The following CACNA1A variants were observed in gnomAD, a reference collection of about 807,000 sequenced individuals.
CACNA1A encodes the protein calcium voltage-gated channel subunit alpha1 A.
In CACNA1A, 57 loss-of-function variants were observed where a neutral mutation model predicts 262.4. The observed-to-expected ratio is 0.22, with a 90% CI of 0.18 to 0.27. The LOEUF (loss-of-function observed/expected upper bound fraction) is 0.27. Among genes scored for constraint, CACNA1A ranks in the 10% least tolerant of loss-of-function variants. The pLI is 1.00. For missense variants in CACNA1A, 2,526 were observed against 3,562.8 expected (o/e 0.71, Z 7.41); for synonymous variants, 1,431 against 1,419.3 (o/e 1.01, Z -0.18).
At chr19:13,254,981 GGTGATCCAGAGT>G in intron 29 of CACNA1A, 102 bp downstream of exon 29, 1 of 1,084,276 alleles carries the variant, frequency 9.2e-7, no homozygotes, top group Non-Finnish European at 1.4e-6. Flanking sequence ...AAATCTCAGA[GGTGATCCAGAGT>G]GTGGTCTGTC....
intron 3 of CACNA1A, among the ~76,000 whole-genome samples, chr19:13,396,172 A>G (rs1404529498): frequency 1.3e-5 from 2 of 151,660 alleles, no homozygotes; most frequent in Non-Finnish European, 3.0e-5. Context: ...GGCCACTACA[A>G]AACCAAGGTT....
intron 3 of CACNA1A, among the ~76,000 whole-genome samples, chr19:13,380,860 G>A (rs113622115): frequency 1.8e-4 from 28 of 151,550 alleles, no homozygotes; most frequent in Non-Finnish European, 7.4e-5. Flanking sequence ...TGCAACCTCC[G>A]CCTCCTGGGC....
At chr19:13,210,817 AAAGTT>A in intron 43 of CACNA1A, 165 bp from the exon 44 acceptor site, 1 of 761,256 alleles carries the variant, frequency 1.3e-6, no homozygotes, top group South Asian at 1.6e-5. Flanking sequence ...GAGGAAAAGA[AAAGTT>A]AAAGTCCTGG....
chr19:13,431,730 G>A (rs2060507583), intron 3 of CACNA1A, among the ~76,000 whole-genome samples: 1 of 152,098 alleles, frequency 6.6e-6, no homozygotes, highest in Non-Finnish European at 1.5e-5. Flanking sequence ...TTGCGACAAC[G>A]TGCATGAACC....
chr19:13,434,583 C>G (rs2060577603), intron 3 of CACNA1A, among the ~76,000 whole-genome samples: 1 of 151,908 alleles, frequency 6.6e-6, no homozygotes, highest in Non-Finnish European at 1.5e-5. Flanking sequence ...AGGTGTGTAG[C>G]ATCTCCCCAC....
chr19:13,382,804 A>G (rs972146009), intron 3 of CACNA1A, among the ~76,000 whole-genome samples: 1 of 152,208 alleles, frequency 6.6e-6, no homozygotes, highest in Admixed American at 6.5e-5. Context: ...TATAGCTGCC[A>G]TTGATTGCTG....
chr19:13,465,677 T>A (rs192134976), intron 1 of CACNA1A, among the ~76,000 whole-genome samples: 1 of 152,032 alleles, frequency 6.6e-6, no homozygotes, highest in Admixed American at 6.5e-5. Context: ...TTTGTAGAGA[T>A]GGAGTTTTGC....
At chr19:13,464,371 T>C (rs1480728865) in intron 1 of CACNA1A, among the ~76,000 whole-genome samples, 1 of 152,116 alleles carries the variant, frequency 6.6e-6, no homozygotes, top group Non-Finnish European at 1.5e-5. Context: ...GGCACTCCAG[T>C]CTGGGCAACA....
chr19:13,471,941 T>C (rs1231505189), intron 1 of CACNA1A, among the ~76,000 whole-genome samples: 2 of 152,154 alleles, frequency 1.3e-5, no homozygotes, highest in Non-Finnish European at 2.9e-5. Flanking sequence ...GGTTAACTTA[T>C]GTTGCATGAA....
chr19:13,348,878 C>T (rs1039345278), intron 6 of CACNA1A, among the ~76,000 whole-genome samples: 5 of 151,784 alleles, frequency 3.3e-5, no homozygotes, highest in African/African-American at 4.8e-5. Flanking sequence ...TGTGGTGGCA[C>T]GCACCTGTAA....
Position 13,229,969 on chromosome 19 carries a change from C to G in CACNA1A, c.5528+113G>C, listed in dbSNP as rs534525465. On this transcript the variant is annotated intron_variant, in intron 36 of 46. Coordinates refer to ENST00000360228, the MANE Select transcript of CACNA1A (RefSeq NM_001127222.2). ...TCTCCTGACTGAACCTGTGAGACCC[C>G]TGCTAGGACCCCAGGAGTTCAGTGC... is the stretch of plus-strand genomic sequence containing the variant. 3.2e-6 allele frequency: 4 copies of G among 1,239,120 alleles called. No homozygotes were observed. The East Asian group carries it at 9.7e-5, about 30-fold the overall frequency. The allele number at this position is 1,239,120 out of a possible 1,614,324, so 76.8% of individuals were successfully genotyped here. A position where few individuals can be genotyped will look rare whatever the true frequency, so the allele number is the denominator to read the frequency against.
chr19:13,365,161 A>C (rs1458689539), intron 5 of CACNA1A, 156 bp downstream of exon 5: 1 of 580,258 alleles, frequency 1.7e-6, no homozygotes, highest in African/African-American at 1.8e-5. Context: ...CTAAGATCTC[A>C]GAGGCTATTT....
intron 38 of CACNA1A, among the ~76,000 whole-genome samples, chr19:13,220,981 C>T (rs982663221): frequency 2.6e-5 from 4 of 151,510 alleles, no homozygotes; most frequent in Admixed American, 6.6e-5. Context: ...ATCTGTCCTC[C>T]ACCCCTCCAG....
At chr19:13,306,252 G>A (rs938686323) in intron 15 of CACNA1A, among the ~76,000 whole-genome samples, 9 of 152,204 alleles carry the variant, frequency 5.9e-5, no homozygotes, top group African/African-American at 1.7e-4. Flanking sequence ...TGAAGGTCCC[G>A]GCTGGGCCAG....
At chr19:13,459,444 A>G (rs538421996) in intron 1 of CACNA1A, among the ~76,000 whole-genome samples, 1 of 152,318 alleles carries the variant, frequency 6.6e-6, no homozygotes, top group African/African-American at 2.4e-5. Flanking sequence ...TCTGAAAAGC[A>G]AAATCCGAGA....
At position 13,235,018 on chromosome 19, in the gene CACNA1A, T is replaced by A. The variant is rs2055826253; in HGVS notation, c.5152A>T (p.Ile1718Phe). ...TCACTGTCCTCGTCCTCCACGTCGA[T>A]GCCAATGTTACCAAACACCTGTGGA... ...IGMQVFGNIG[I>F]DVEDEDSDED... Residue 1718 changes from isoleucine to phenylalanine, a missense_variant, in exon 34 of 47, where the codon ATC becomes TTC. Ile to Phe is a conservative substitution (Grantham distance 21). Around this residue, in one of 17 missense-constraint regions of CACNA1A, gnomAD observed 66 missense variants for 195.8 expected, o/e 0.34. Coordinates refer to ENST00000360228, the MANE Select transcript of CACNA1A (RefSeq NM_001127222.2). The A allele has an allele frequency of 6.2e-7, 1 of 1,613,238 alleles. No individual in the cohort carries two copies. The highest frequency in any genetic ancestry group is 1.3e-5 in the African/African-American group (1 of 74,920).
intron 22 of CACNA1A, among the ~76,000 whole-genome samples, chr19:13,280,762 G>A (rs1385785207): frequency 1.3e-5 from 2 of 151,910 alleles, no homozygotes; most frequent in African/African-American, 2.4e-5. Context: ...CTGATAGTGT[G>A]AAACCCCGTC....
chr19:13,298,701 G>C lies in CACNA1A; in HGVS notation c.2932C>G (p.Arg978Gly). Residue 978 changes from arginine to glycine, a missense_variant, in exon 19 of 47, where the codon CGG becomes GGG. Arg to Gly is a moderately radical substitution (Grantham distance 125). Coordinates refer to ENST00000360228, the MANE Select transcript of CACNA1A (RefSeq NM_001127222.2). ...GCCGGCCGGCTGCCCTCGCGGTGCC[G>C]CGCCCTCCGCTCCGCCTTGTCCTCC... ...GPEDKAERRA[R>G]HREGSRPARG... The C allele has an allele frequency of 1.4e-6, 2 of 1,459,522 alleles. No homozygotes were observed. Among genetic ancestry groups the C allele is most frequent in the South Asian group, 1.4e-5 (1 of 72,484 alleles). The allele number at this position is 1,459,522 out of a possible 1,614,324, so 90.4% of individuals were successfully genotyped here.
At chr19:13,265,316 A>C (rs978134452) in intron 24 of CACNA1A, among the ~76,000 whole-genome samples, 1 of 152,246 alleles carries the variant, frequency 6.6e-6, no homozygotes, top group Non-Finnish European at 1.5e-5. Context: ...CTCCCAGGTC[A>C]TGAGCAGAGC....
Sources: allele counts gnomAD v4.1 joint callset (sites outside exome capture counted in the v4.1 genomes callset), GRCh38; gene constraint gnomAD v4.1.1; regional missense constraint gnomAD v4.1.1; transcripts MANE v1.5; gene names NCBI Gene and HGNC (gene_info 2026-07-23, HGNC 2026-07-21).